ATE1: variants seen among roughly 807,000 people sequenced by gnomAD.
The protein encoded by ATE1 is arginyltransferase 1, also known as arginyl-tRNA--protein transferase 1.
A neutral mutation model predicts 70.5 loss-of-function variants in ATE1; 36 were observed. That is an observed-to-expected ratio of 0.51 (90% CI 0.39 to 0.67). ATE1 has a LOEUF of 0.67. Ranked by LOEUF, ATE1 falls within the 30% of genes least tolerant of loss-of-function variation. ATE1 has a pLI of 0.00. For missense variants in ATE1, 593 were observed against 629.5 expected (o/e 0.94, Z 0.62); for synonymous variants, 232 against 219.3 (o/e 1.06, Z -0.51).
intron 10 of ATE1, among the ~76,000 whole-genome samples, chr10:121,825,282 G>C (rs954601715): frequency 1.3e-5 from 2 of 152,188 alleles, no homozygotes; most frequent in African/African-American, 4.8e-5. Context: ...CATTTCTATT[G>C]AAGTTTTCTT....
intron 11 of ATE1, among the ~76,000 whole-genome samples, chr10:121,784,010 G>A (rs1158157228): frequency 2.6e-5 from 4 of 152,064 alleles, no homozygotes; most frequent in East Asian, 1.9e-4. Flanking sequence ...CCTGGCCTCC[G>A]GCCTCCCAAA....
At chr10:121,826,485 T>C (rs1488228731) in intron 10 of ATE1, among the ~76,000 whole-genome samples, 3 of 152,162 alleles carry the variant, frequency 2.0e-5, no homozygotes, top group Non-Finnish European at 2.9e-5. Context: ...TTTTTGCATT[T>C]TTAGTAGAGA....
chr10:121,874,026 C>T (rs941496696), intron 7 of ATE1, among the ~76,000 whole-genome samples: 59 of 152,106 alleles, frequency 3.9e-4, no homozygotes, highest in African/African-American at 1.3e-3. Flanking sequence ...ATTTCCTGGG[C>T]TTTTCACTTA....
chr10:121,870,634 CCTTTCTCCCTTCTCTCTCA>C (rs1949822267), intron 7 of ATE1, among the ~76,000 whole-genome samples: 1 of 152,232 alleles, frequency 6.6e-6, no homozygotes, highest in South Asian at 2.1e-4. Flanking sequence ...CTTCTCTCTC[CCTTTCTCCCTTCTCTCTCA>C]CCTTTCTCTT....
At chr10:121,754,007 TCA>T (rs1158080211) in intron 11 of ATE1, among the ~76,000 whole-genome samples, 2 of 152,166 alleles carry the variant, frequency 1.3e-5, no homozygotes, top group East Asian at 3.9e-4. Context: ...GCCAGATTTC[TCA>T]GTCAGAGAAT....
chr10:121,869,746 C>A (rs1949785876), intron 8 of ATE1, among the ~76,000 whole-genome samples: 1 of 152,122 alleles, frequency 6.6e-6, no homozygotes, highest in African/African-American at 2.4e-5. Context: ...GGACTGATTT[C>A]TCTCTACTTA....
chr10:121,767,994 T>C lies in ATE1; in HGVS notation c.1378+22175A>G, dbSNP rs183246176. On this transcript the variant is annotated intron_variant, in intron 11 of 11. Coordinates refer to ENST00000224652, the MANE Select transcript of ATE1 (RefSeq NM_001001976.3). The stretch of plus-strand genomic sequence containing the variant: ...CCCAATGGATGAACTGATAAACAAT[T>C]TGTGATATATACATACAACCTTTAA... Among the ~76,000 whole-genome samples, 47 of 152,288 alleles carry C rather than the reference T, an allele frequency of 3.1e-4. No homozygotes were observed. The East Asian group carries it at 8.3e-3, about 27-fold the overall frequency.
chr10:121,865,913 G>A (rs1394372607), intron 8 of ATE1, among the ~76,000 whole-genome samples: 2 of 152,208 alleles, frequency 1.3e-5, no homozygotes, highest in African/African-American at 4.8e-5. Flanking sequence ...AAAGGGACAT[G>A]GTTCACTCAT....
chr10:121,819,277 G>C (rs1240356863), intron 10 of ATE1, among the ~76,000 whole-genome samples: 1 of 152,150 alleles, frequency 6.6e-6, no homozygotes, highest in Non-Finnish European at 1.5e-5. Context: ...AATGAAAACA[G>C]CTTTAAGAAA....
chr10:121,897,590 A>C (rs1950827603), intron 7 of ATE1, among the ~76,000 whole-genome samples: 1 of 152,166 alleles, frequency 6.6e-6, no homozygotes, highest in Admixed American at 6.5e-5. Flanking sequence ...GCACTCTGGG[A>C]GGCCAAGGAG....
At chr10:121,823,513 C>A (rs564108190) in intron 10 of ATE1, among the ~76,000 whole-genome samples, 22 of 152,272 alleles carry the variant, frequency 1.4e-4, no homozygotes, top group Middle Eastern at 3.4e-3. Flanking sequence ...CAGTGCAAGA[C>A]AACACACAGA....
intron 10 of ATE1, among the ~76,000 whole-genome samples, chr10:121,804,631 C>G (rs1192579557): frequency 6.6e-6 from 1 of 151,846 alleles, no homozygotes; most frequent in Non-Finnish European, 1.5e-5. Flanking sequence ...CTGTTGAGCA[C>G]AGGCTGGTGA....
chr10:121,848,286 TC>T (rs1948914832), intron 8 of ATE1, among the ~76,000 whole-genome samples: 1 of 85,272 alleles, frequency 1.2e-5, no homozygotes, highest in Non-Finnish European at 2.2e-5. Flanking sequence ...TAATGTGCGT[TC>T]ATTCATTCAT....
chr10:121,915,122 C>T (rs1038891134), intron 3 of ATE1, among the ~76,000 whole-genome samples: 1 of 152,064 alleles, frequency 6.6e-6, no homozygotes, highest in African/African-American at 2.4e-5. Flanking sequence ...ACCTGGAGGA[C>T]ATAGACCATG....
intron 11 of ATE1, among the ~76,000 whole-genome samples, chr10:121,789,778 TACA>T (rs1946361228): frequency 6.6e-6 from 1 of 152,188 alleles, no homozygotes; most frequent in Non-Finnish European, 1.5e-5. Context: ...GAAACCATCC[TACA>T]ACTTTATTCG....
intron 8 of ATE1, among the ~76,000 whole-genome samples, chr10:121,842,769 T>C (rs1294145357): frequency 6.6e-6 from 1 of 152,188 alleles, no homozygotes; most frequent in African/African-American, 2.4e-5. Context: ...TCATATCAAT[T>C]GATGCAGGAA....
intron 8 of ATE1, among the ~76,000 whole-genome samples, chr10:121,850,106 A>C (rs1948996841): frequency 6.6e-6 from 1 of 152,242 alleles, no homozygotes; most frequent in African/African-American, 2.4e-5. Context: ...AAACTAACTC[A>C]CTATCAAATA....
intron 7 of ATE1, among the ~76,000 whole-genome samples, chr10:121,874,215 T>A (rs2134052334): frequency 6.6e-6 from 1 of 152,340 alleles, no homozygotes; most frequent in Non-Finnish European, 1.5e-5. Flanking sequence ...GTTACGACTC[T>A]AAATTATGTT....
At chr10:121,906,153 G>A (rs1338323045) in intron 5 of ATE1, among the ~76,000 whole-genome samples, 1 of 152,156 alleles carries the variant, frequency 6.6e-6, no homozygotes, top group Non-Finnish European at 1.5e-5. Flanking sequence ...CAGCACTTTG[G>A]GAGGCCAAGG....
Sources: gnomAD v4.1 joint callset for allele counts (sites outside exome capture counted in the v4.1 genomes callset) on GRCh38, gnomAD v4.1.1 for gene constraint, MANE v1.5 for transcripts, NCBI Gene and HGNC (gene_info 2026-07-23, HGNC 2026-07-21) for gene names.